The following SLC5A10 variants were observed in gnomAD, a reference collection of about 807,000 sequenced individuals.
SLC5A10 encodes the protein solute carrier family 5 member 10.
Under a neutral mutation model 68.9 loss-of-function variants are expected in SLC5A10, and 55 were observed. The observed-to-expected ratio is 0.80, with a 90% confidence interval of 0.64 to 1.00. The LOEUF (loss-of-function observed/expected upper bound fraction) is 1.00, where lower values mean the gene tolerates loss of function less well. Ranked by LOEUF, SLC5A10 falls within the 50% of genes least tolerant of loss-of-function variation. SLC5A10 has a pLI of 0.00. For missense variants in SLC5A10, 732 were observed against 819.3 expected (o/e 0.89, Z 1.30); for synonymous variants, 344 against 344.8 (o/e 1.00, Z 0.02).
intron 10 of SLC5A10, among the ~76,000 whole-genome samples, chr17:19,014,481 G>A (rs151182942): frequency 5.9e-5 from 9 of 152,286 alleles, no homozygotes; most frequent in East Asian, 1.9e-4. Context: ...AGGAAGTGGC[G>A]GAAAATTCCA....
chr17:18,989,669 C>T (rs371375633), intron 9 of SLC5A10, among the ~76,000 whole-genome samples: 116 of 152,330 alleles, frequency 7.6e-4, no homozygotes, highest in African/African-American at 2.7e-3. Context: ...GGCGGGGGCT[C>T]GGTGATGCCC....
In SLC5A10 at chr17:18,956,465, G is replaced by GTTTTT. The variant is rs750867503; in HGVS notation, c.112-2199_112-2195dup. 7.1e-4 allele frequency among the ~76,000 whole-genome samples: 70 copies of GTTTTT among 97,988 alleles called. 1 individual carries two copies. Among genetic ancestry groups the GTTTTT allele is most frequent in the African/African-American group, 1.2e-3 (31 of 26,132 alleles). 64.3% of individuals were successfully genotyped at this position (97,988 alleles called of 152,430 possible). On this transcript the variant is annotated intron_variant, in intron 1 of 14. Coordinates refer to ENST00000395645, the MANE Select transcript of SLC5A10 (RefSeq NM_001042450.4). ...CTTCTGTTTTTTCTTTTTTCTTTCT[G>GTTTTT]TTTTTTTTTTTTTTTTTTTTTTCTG...
intron 8 of SLC5A10, chr17:18,976,647 C>T (rs974793763): frequency 1.6e-5 from 10 of 609,610 alleles, no homozygotes; most frequent in African/African-American, 9.3e-5. Flanking sequence ...GAGTGTACCT[C>T]GGCTCTCGCT....
intron 7 of SLC5A10, chr17:18,970,124 C>T (rs2042804653): frequency 6.6e-6 from 1 of 152,266 alleles, no homozygotes; most frequent in African/African-American, 2.4e-5. Context: ...GAATACAGAG[C>T]CTGACCTGAG....
intron 8 of SLC5A10, among the ~76,000 whole-genome samples, chr17:18,972,928 G>A (rs1433656609): frequency 6.6e-6 from 1 of 152,050 alleles, no homozygotes; most frequent in Non-Finnish European, 1.5e-5. Context: ...TGGAAGGCTG[G>A]GCCTCAGTTT....
chr17:18,989,997 C>T (rs1025956679), intron 9 of SLC5A10, among the ~76,000 whole-genome samples: 1 of 152,234 alleles, frequency 6.6e-6, no homozygotes, highest in African/African-American at 2.4e-5. Context: ...ACTCCCAGAA[C>T]TCCAAGGCCT....
intron 9 of SLC5A10, chr17:18,978,593 T>A: frequency 6.2e-7 from 1 of 1,613,128 alleles, no homozygotes; most frequent in South Asian, 1.1e-5. Flanking sequence ...GGCAATCTCG[T>A]CGACGCTCTT....
Position 18,965,228 on chromosome 17 carries a change from T to TG in SLC5A10, c.454-3822dup, listed in dbSNP as rs1351092814. Among the ~76,000 whole-genome samples the TG allele has an allele frequency of 5.9e-5, 9 of 152,144 alleles. No individual in the cohort carries two copies. In the South Asian group the frequency reaches 1.7e-3, roughly 28 times the overall value. ...GGTTTTGGGGAGTGGGTGTGTGTTT[T>TG]GGAGACGGAATCCATAGCAGTGGCC... On this transcript the variant is annotated intron_variant, in intron 5 of 14. Coordinates refer to ENST00000395645, the MANE Select transcript of SLC5A10 (RefSeq NM_001042450.4).
intron 11 of SLC5A10, among the ~76,000 whole-genome samples, chr17:19,016,981 C>T (rs2044153279): frequency 6.6e-6 from 1 of 152,178 alleles, no homozygotes; most frequent in African/African-American, 2.4e-5. Context: ...ACTTCCTGGC[C>T]TCCTCACCCA....
chr17:18,959,163 A>T lies in SLC5A10; in HGVS notation c.212A>T (p.Glu71Val). The T allele has an allele frequency of 1.2e-6, 2 of 1,612,438 alleles. No individual in the cohort carries two copies. The change falls in exon 3 of 15, where the codon GAG becomes GTG. Residue 71 changes from glutamate (E) to valine (V), a missense_variant. By Grantham distance (121) the Glu-to-Val change is moderately radical. Coordinates refer to ENST00000395645, the MANE Select transcript of SLC5A10 (RefSeq NM_001042450.4). ...PIGASLFASS[E>V]GSGLFIGLAG... ...GGAGCCTCCCTCTTCGCCAGCAGCGAGGGCTCTGGCCTCTTCATTGGACTG... is the reference window on the plus strand; with the variant it reads ...GGAGCCTCCCTCTTCGCCAGCAGCGTGGGCTCTGGCCTCTTCATTGGACTG...
intron 5 of SLC5A10, among the ~76,000 whole-genome samples, chr17:18,964,118 C>T (rs1005737651): frequency 3.3e-5 from 5 of 152,178 alleles, no homozygotes; most frequent in African/African-American, 9.7e-5. Flanking sequence ...CCCCCATCCC[C>T]GCAGGCCAGC....
chr17:19,003,431 C>A lies in SLC5A10; in HGVS notation c.983-9979C>A. The A allele has an allele frequency of 7.3e-7, 1 of 1,370,910 alleles. No individual in the cohort carries two copies. The highest frequency in any genetic ancestry group is 9.6e-7 in the Non-Finnish European group (1 of 1,043,574). The allele number at this position is 1,370,910 out of a possible 1,614,324, so 84.9% of individuals were successfully genotyped here. A position where few individuals can be genotyped will look rare whatever the true frequency, so the allele number is the denominator to read the frequency against. ...GAGATCCCTAGAAGCCCATGTTGGGCTCCCGTTTTGGGCTCTGAGTGAGCC... is the reference window on the plus strand; with the variant it reads ...GAGATCCCTAGAAGCCCATGTTGGGATCCCGTTTTGGGCTCTGAGTGAGCC... On this transcript the variant is annotated intron_variant, in intron 9 of 14. Coordinates refer to ENST00000395645, the MANE Select transcript of SLC5A10 (RefSeq NM_001042450.4). This position sits in a 1 kb window ranked among gnomAD's most constrained non-coding sequence, Gnocchi z 4.5.
chr17:18,992,709 C>T (rs944945614), intron 9 of SLC5A10, among the ~76,000 whole-genome samples: 3 of 152,214 alleles, frequency 2.0e-5, no homozygotes, highest in African/African-American at 4.8e-5. Context: ...TCAGTTTCTT[C>T]ACCTGTCAAA....
rs563466170 is a variant in SLC5A10 at position 18,978,594 on chromosome 17, C to T, written c.982+1605C>T. On this transcript the variant is annotated intron_variant, in intron 9 of 14. Transcript: ENST00000395645. ...TCAGAGGAGATCTTGGCAATCTCGT[C>T]GACGCTCTTGGCCTTGACAAGTGCG... is the stretch of plus-strand genomic sequence containing the variant. The T allele has an allele frequency of 3.5e-5, 56 of 1,613,174 alleles. No homozygotes were observed. The Middle Eastern group carries it at 9.9e-4, about 29-fold the overall frequency.
At chr17:18,956,463 CTGT>C (rs2042503648) in intron 1 of SLC5A10, among the ~76,000 whole-genome samples, 2 of 119,130 alleles carry the variant, frequency 1.7e-5, no homozygotes, top group Admixed American at 8.5e-5. Flanking sequence ...TTTTTTCTTT[CTGT>C]TTTTTTTTTT....
chr17:18,978,192 C>A (rs767087152), intron 9 of SLC5A10: 2 of 1,550,312 alleles, frequency 1.3e-6, no homozygotes, highest in Non-Finnish European at 1.7e-6. Flanking sequence ...TGGGGGAGGC[C>A]GTTCTCAGCT....
At chr17:19,011,866 G>T (rs374396404) in intron 9 of SLC5A10, among the ~76,000 whole-genome samples, 2 of 151,500 alleles carry the variant, frequency 1.3e-5, no homozygotes, top group East Asian at 3.9e-4. Flanking sequence ...AGGGGTGTGA[G>T]ACCCGCCCTT....
In SLC5A10 at chr17:19,006,410, T is replaced by C. The variant is rs200399747; in HGVS notation, c.983-7000T>C. ...TTTTCTTTTTTCTTTTTTCTTTTTTTTTTTTTTTTGTAGAGACAAGGCCTC... is the reference window on the plus strand; with the variant it reads ...TTTTCTTTTTTCTTTTTTCTTTTTTCTTTTTTTTTGTAGAGACAAGGCCTC... On this transcript the variant is annotated intron_variant, in intron 9 of 14. Coordinates refer to ENST00000395645, the MANE Select transcript of SLC5A10 (RefSeq NM_001042450.4). Among the ~76,000 whole-genome samples, 7 of 143,246 alleles carry C rather than the reference T, an allele frequency of 4.9e-5. No homozygotes were observed. The South Asian group carries it at 8.6e-4, about 18-fold the overall frequency. The allele number at this position is 143,246 out of a possible 152,430, so 94.0% of individuals were successfully genotyped here.
At position 19,020,505 on chromosome 17, in the gene SLC5A10, G is replaced by A. The variant is rs1624825; in HGVS notation, c.*74G>A. On this transcript the variant is annotated 3_prime_UTR_variant, in exon 15 of 15. Coordinates refer to ENST00000395645, the MANE Select transcript of SLC5A10 (RefSeq NM_001042450.4). Reference sequence around the variant, plus strand: ...CCCATTTCCCTCATGGGGATCCCGAGGCCCCAAGAGGGGCAGATTCCCCTC... The same window carrying A: ...CCCATTTCCCTCATGGGGATCCCGAAGCCCCAAGAGGGGCAGATTCCCCTC... 1,006,117 of 1,441,664 alleles carry A rather than the reference G, an allele frequency of 0.7. 386,820 individuals are homozygous for A. The highest frequency in any genetic ancestry group is 0.8 in the Non-Finnish European group (833,299 of 1,042,098). The allele number at this position is 1,441,664 out of a possible 1,614,324, so 89.3% of individuals were successfully genotyped here.
Sources: gnomAD v4.1 joint callset for allele counts (sites outside exome capture counted in the v4.1 genomes callset) on GRCh38, gnomAD v4.1.1 for gene constraint, Gnocchi (gnomAD v3.1) non-coding constraint, MANE v1.5 for transcripts, NCBI Gene and HGNC (gene_info 2026-07-23, HGNC 2026-07-21) for gene names.